The following SNRK variants were observed in gnomAD, a reference collection of about 807,000 sequenced individuals.
The protein encoded by SNRK is SNF-related serine/threonine-protein kinase.
A neutral mutation model predicts 48.2 loss-of-function variants in SNRK; 3 were observed. The ratio of observed to expected loss-of-function variants is 0.06; its 90% CI spans 0.03 to 0.16. The LOEUF is 0.16. Among genes scored for constraint, SNRK ranks in the 10% least tolerant of loss-of-function variants. The pLI is 1.00. For missense variants in SNRK, 627 were observed against 976.0 expected, an observed-to-expected ratio of 0.64 and a Z score of 4.76; for synonymous variants, 376 against 366.1, an observed-to-expected ratio of 1.03 and a Z score of -0.31.
chr3:43,338,586 T>C (rs549300033), intron 4 of SNRK, among the ~76,000 whole-genome samples: 1 of 152,354 alleles, frequency 6.6e-6, no homozygotes, highest in South Asian at 2.1e-4. Context: ...TTTGGAAAAT[T>C]CTCAGCCATT....
chr3:43,312,233 C>A (rs1402695462), intron 3 of SNRK, among the ~76,000 whole-genome samples: 1 of 152,120 alleles, frequency 6.6e-6, no homozygotes, highest in Admixed American at 6.5e-5. Context: ...TGAAACATGG[C>A]TCCATATGGA....
rs1284628545 is a variant in SNRK, at chr3:43,303,081, CTCT to C, written c.-106-12_-106-10del. 6 of 587,522 alleles carry C rather than the reference CTCT, an allele frequency of 1.0e-5. No homozygotes were observed. Among genetic ancestry groups the C allele is most frequent in the Middle Eastern group, 3.4e-4 (1 of 2,926 alleles). 36.4% of individuals were successfully genotyped at this position (587,522 alleles called of 1,614,324 possible). A position where few individuals can be genotyped will look rare whatever the true frequency, so the allele number is the denominator to read the frequency against. ...AAGTCGCAGAAACTTAATTTTGTTT[CTCT>C]TCTTATTTTGTAGATATCCATGACG... On this transcript the variant is annotated splice_polypyrimidine_tract_variant and intron_variant, in intron 2 of 6. Transcript: ENST00000296088. The surrounding 1 kb of genome is among the most constrained non-coding windows in gnomAD (Gnocchi z 6.2).
chr3:43,306,963 C>T (rs2090942467), intron 3 of SNRK, among the ~76,000 whole-genome samples: 1 of 152,182 alleles, frequency 6.6e-6, no homozygotes, highest in Admixed American at 6.5e-5. Context: ...TGGCTTGATA[C>T]ATGGTAATTC....
chr3:43,348,461 T>C lies in SNRK; in HGVS notation c.2202T>C (p.Pro734=), dbSNP rs1315893325. 1 of 1,609,772 alleles carries C rather than the reference T, an allele frequency of 6.2e-7. No individual in the cohort carries two copies. The highest frequency in any genetic ancestry group is 1.7e-5 in the Admixed American group (1 of 59,270). ...TGAAAAATAACGTGCTGCAGCTACC[T>C]CTGTGCGAAAAGACCATCTCTGTGA... The part of the protein sequence containing the change: ...KNLKNNVLQL[P]LCEKTISVNI... The change falls in exon 7 of 7, where the codon CCT becomes CCC. Residue 734 remains proline, a synonymous_variant. Coordinates refer to ENST00000296088, the MANE Select transcript of SNRK (RefSeq NM_017719.5).
intron 2 of SNRK, among the ~76,000 whole-genome samples, chr3:43,300,052 T>A (rs749006559): frequency 3.3e-5 from 5 of 152,226 alleles, no homozygotes; most frequent in Non-Finnish European, 7.3e-5. Flanking sequence ...TTTCAGTTAA[T>A]CATTGTGTCC....
Position 43,350,299 on chromosome 3 carries a change from A to G in SNRK, c.*1742A>G, listed in dbSNP as rs570524891. On this transcript the variant is annotated 3_prime_UTR_variant, in exon 7 of 7. Coordinates refer to ENST00000296088, the MANE Select transcript of SNRK (RefSeq NM_017719.5). ...GCAGGGATCTTATAAAGGGCCAGAA[A>G]TAAGATGTGTGGTTCACATAGATAG... 8 of 152,792 alleles carry G rather than the reference A, an allele frequency of 5.2e-5. No individual in the cohort carries two copies. The highest frequency in any genetic ancestry group is 1.5e-5 in the Non-Finnish European group (1 of 68,036). The allele number at this position is 152,792 out of a possible 1,614,324, so 9.5% of individuals were successfully genotyped here. A position where few individuals can be genotyped will look rare whatever the true frequency, so the allele number is the denominator to read the frequency against.
At chr3:43,325,485 A>G (rs1001823337) in intron 3 of SNRK, among the ~76,000 whole-genome samples, 1 of 152,160 alleles carries the variant, frequency 6.6e-6, no homozygotes, top group Non-Finnish European at 1.5e-5. Context: ...TGTTTTTAAC[A>G]TCAACTTAAG....
chr3:43,313,547 G>C (rs190847471), intron 3 of SNRK, among the ~76,000 whole-genome samples: 143 of 152,306 alleles, frequency 9.4e-4, no homozygotes, highest in Non-Finnish European at 1.6e-3. Flanking sequence ...AGAGATCGTG[G>C]TGGGTGGTGT....
At chr3:43,329,472 A>G (rs181706938) in intron 3 of SNRK, among the ~76,000 whole-genome samples, 4 of 152,110 alleles carry the variant, frequency 2.6e-5, no homozygotes, top group Admixed American at 2.6e-4. Context: ...AAATATATGG[A>G]ATAAATGGCC....
chr3:43,343,856 C>T (rs1175843628), intron 6 of SNRK, among the ~76,000 whole-genome samples: 2 of 152,142 alleles, frequency 1.3e-5, no homozygotes, highest in Non-Finnish European at 2.9e-5. Flanking sequence ...GCTGAATTTT[C>T]CCTCAGTTAT....
rs1026236734 is a variant in SNRK at position 43,325,827 on chromosome 3, G to T, written c.590-6342G>T. 3.0e-4 allele frequency among the ~76,000 whole-genome samples: 46 copies of T among 152,124 alleles called. 1 individual carries two copies. Among genetic ancestry groups the T allele is most frequent in the Non-Finnish European group, 1.6e-4 (11 of 68,032 alleles). On this transcript the variant is annotated intron_variant, in intron 3 of 6. Transcript: ENST00000296088. ...CTCCAATGGGTCCCCCCTTGGATGA[G>T]TATCCATATTGAAACTCAGCTAAGC...
At chr3:43,290,097 A>G (rs1036668008) in intron 1 of SNRK, among the ~76,000 whole-genome samples, 2 of 152,166 alleles carry the variant, frequency 1.3e-5, no homozygotes, top group African/African-American at 4.8e-5. Context: ...CTGGGCCTCA[A>G]TTTCTTAATT....
At chr3:43,323,515 T>G (rs1359525652) in intron 3 of SNRK, among the ~76,000 whole-genome samples, 3 of 152,186 alleles carry the variant, frequency 2.0e-5, no homozygotes, top group African/African-American at 7.2e-5. Context: ...GGTGGGAATG[T>G]AAAATCGTAT....
intron 3 of SNRK, among the ~76,000 whole-genome samples, chr3:43,312,996 TAACATAA>T (rs2090989816): frequency 6.6e-6 from 1 of 152,204 alleles, no homozygotes; most frequent in South Asian, 2.1e-4. Flanking sequence ...TCTAGATGTT[TAACATAA>T]TTCCTATCAA....
chr3:43,295,886 A>G (rs368788891), intron 1 of SNRK, among the ~76,000 whole-genome samples: 1 of 152,088 alleles, frequency 6.6e-6, no homozygotes, highest in African/African-American at 2.4e-5. Flanking sequence ...CTACAGGCCC[A>G]TGCCACCACG....
At position 43,323,242 on chromosome 3, in the gene SNRK, CAT is replaced by C. The variant is rs771747124; in HGVS notation, c.590-8925_590-8924del. ...AAACTATAAAACTTCTAGAATAAAA[CAT>C]AGGGGATCTTTGCAACCTTAGGTTA... On this transcript the variant is annotated intron_variant, in intron 3 of 6. Transcript: ENST00000296088. Among the ~76,000 whole-genome samples, 179 of 152,226 alleles carry C rather than the reference CAT, an allele frequency of 1.2e-3. 1 individual carries two copies. The highest frequency in any genetic ancestry group is 2.2e-3 in the Non-Finnish European group (153 of 68,010).
At position 43,349,945 on chromosome 3, in the gene SNRK, T is replaced by C. The variant is rs2125653540; in HGVS notation, c.*1388T>C. On this transcript the variant is annotated 3_prime_UTR_variant, in exon 7 of 7. Coordinates refer to ENST00000296088, the MANE Select transcript of SNRK (RefSeq NM_017719.5). ...CCCCACTCTTCAGCCCCGAGTCATG[T>C]GTCTGAGGTGACGGACTGAGACGCA... is the stretch of plus-strand genomic sequence containing the variant. 1 of 152,352 alleles carries C rather than the reference T, an allele frequency of 6.6e-6. No homozygotes were observed. Among genetic ancestry groups the C allele is most frequent in the South Asian group, 2.1e-4 (1 of 4,830 alleles). 9.4% of individuals were successfully genotyped at this position (152,352 alleles called of 1,614,324 possible).
In SNRK at chr3:43,344,679, G is replaced by C. The variant is rs907668975; in HGVS notation, c.1079+1201G>C. 1.2e-4 allele frequency among the ~76,000 whole-genome samples: 18 copies of C among 151,870 alleles called. 2 individuals are homozygous for C. Among genetic ancestry groups the C allele is most frequent in the Admixed American group, 3.3e-4 (5 of 15,252 alleles). Reference sequence around the variant, plus strand: ...TGCATTCCTCTGTAATAAAAACTAGGCACACTGTCTAGTGTCTGCTTAGAA... The same window carrying C: ...TGCATTCCTCTGTAATAAAAACTAGCCACACTGTCTAGTGTCTGCTTAGAA... On this transcript the variant is annotated intron_variant, in intron 6 of 6. Coordinates refer to ENST00000296088, the MANE Select transcript of SNRK (RefSeq NM_017719.5).
chr3:43,328,168 T>A (rs1225945181), intron 3 of SNRK, among the ~76,000 whole-genome samples: 1 of 152,038 alleles, frequency 6.6e-6, no homozygotes, highest in East Asian at 1.9e-4. Context: ...TGGAAATGAT[T>A]ATAATAAGGT....
Sources: gnomAD v4.1 joint callset for allele counts (sites outside exome capture counted in the v4.1 genomes callset) on GRCh38, gnomAD v4.1.1 for gene constraint, Gnocchi (gnomAD v3.1) non-coding constraint, MANE v1.5 for transcripts, NCBI Gene and HGNC (gene_info 2026-07-23, HGNC 2026-07-21) for gene names.